CHD1L: variants seen among roughly 807,000 people sequenced by gnomAD.
CHD1L encodes the protein ATP-dependent chromatin remodeler CHD1L.
Under a neutral mutation model 115.9 loss-of-function variants are expected in CHD1L, and 118 were observed. That is an observed-to-expected ratio of 1.02 (90% CI 0.88 to 1.19). The LOEUF (loss-of-function observed/expected upper bound fraction) is 1.19, where lower values mean the gene tolerates loss of function less well. Ranked by LOEUF, CHD1L falls within the 50% of genes most tolerant of loss-of-function variation. The pLI is 0.00. For synonymous variants in CHD1L, 411 were observed against 387.1 expected, an observed-to-expected ratio of 1.06 and a Z score of -0.72; for missense variants, 1,179 against 1,065.3, an observed-to-expected ratio of 1.11 and a Z score of -1.49.
Position 147,252,742 on chromosome 1 carries a change from T to C in CHD1L, c.240+7T>C, listed in dbSNP as rs782230422. 2 of 1,604,566 alleles carry C rather than the reference T, an allele frequency of 1.2e-6. No homozygotes were observed. Among genetic ancestry groups the C allele is most frequent in the Non-Finnish European group, 1.7e-6 (2 of 1,171,644 alleles). On this transcript the variant is annotated splice_region_variant and intron_variant, in intron 2 of 22. Transcript: ENST00000369258. ...CCTGGGGAAGACCTGCCAGGTGTGT[T>C]ACTATGCGACGAGTACTGCTCACCG...
At chr1:147,240,302 T>C (rs1553930437), upstream of CHD1L, among the ~76,000 whole-genome samples, 1 of 152,240 alleles carries the variant, frequency 6.6e-6, no homozygotes, top group African/African-American at 2.4e-5. Flanking sequence ...CTGTGCAGGA[T>C]GTGCTTTGTT....
At chr1:147,219,668 G>A in the CHD1L span, among the ~76,000 whole-genome samples, 2 of 151,624 alleles carry the variant, frequency 1.3e-5, no homozygotes, top group African/African-American at 2.4e-5. Flanking sequence ...AAGGATATTC[G>A]GATTGGGAAG....
chr1:147,230,888 TTCTTC>T, the CHD1L span, among the ~76,000 whole-genome samples: 1 of 151,998 alleles, frequency 6.6e-6, no homozygotes, highest in South Asian at 2.1e-4. Context: ...ATCTATTTGA[TTCTTC>T]TCTTTTCTTC....
the CHD1L span, chr1:147,184,606 G>A: frequency 1.3e-6 from 2 of 1,547,588 alleles, no homozygotes; most frequent in Non-Finnish European, 1.7e-6. This position sits in a 1 kb window ranked among gnomAD's most constrained non-coding sequence, Gnocchi z 4.4. Context: ...ACTTGGGTTT[G>A]TCTGATGTTT....
At position 147,267,407 on chromosome 1, in the gene CHD1L, CTT is replaced by C. The variant is rs781981891; in HGVS notation, c.896-11_896-10del. The C allele has an allele frequency of 1.2e-5, 18 of 1,560,516 alleles. No homozygotes were observed. Among genetic ancestry groups the C allele is most frequent in the South Asian group, 2.3e-5 (2 of 88,466 alleles). ...GTAGGCCATCTCTTTCTGTCTCTCT[CTT>C]TTTTTTTAAATTTCAGATGCATTTG... is the stretch of plus-strand genomic sequence containing the variant. On this transcript the variant is annotated splice_polypyrimidine_tract_variant and intron_variant, in intron 8 of 22. Coordinates refer to ENST00000369258, the MANE Select transcript of CHD1L (RefSeq NM_004284.6).
At chr1:147,295,354 A>G (rs1210950259) in intron 22 of CHD1L, 77 bp from the exon 23 acceptor site, 36 of 921,244 alleles carry the variant, frequency 3.9e-5, no homozygotes, top group Non-Finnish European at 6.2e-5. Flanking sequence ...TTATTTCAAT[A>G]ATTACTAGAG....
the CHD1L span, chr1:147,225,979 T>C: frequency 6.6e-6 from 1 of 152,240 alleles, no homozygotes; most frequent in Non-Finnish European, 1.5e-5. Context: ...ACAATGCTTT[T>C]TTCATACAGT....
the CHD1L span, chr1:147,173,670 CCTT>C: frequency 6.6e-6 from 1 of 152,150 alleles, no homozygotes; most frequent in African/African-American, 2.4e-5. Flanking sequence ...TTGCATGTCT[CCTT>C]CTAGAAACGT....
chr1:147,276,771 A>G (rs1379872357), intron 14 of CHD1L, among the ~76,000 whole-genome samples: 3 of 152,182 alleles, frequency 2.0e-5, no homozygotes, highest in African/African-American at 7.2e-5. Context: ...GGATTGGAAG[A>G]TTTTAGAGCT....
intron 11 of CHD1L, 32 bp downstream of exon 11, chr1:147,271,037 G>C: frequency 6.4e-7 from 1 of 1,557,352 alleles, no homozygotes; most frequent in Non-Finnish European, 8.9e-7. Context: ...ATTACCTAAG[G>C]CTCTGTTAGA....
At chr1:147,195,805 C>G in the CHD1L span, among the ~76,000 whole-genome samples, 1 of 152,120 alleles carries the variant, frequency 6.6e-6, no homozygotes, top group Non-Finnish European at 1.5e-5. Flanking sequence ...TTACCTGATA[C>G]AAGCATTCTT....
the CHD1L span, chr1:147,190,384 C>T: frequency 6.9e-6 from 4 of 578,458 alleles, no homozygotes; most frequent in South Asian, 2.3e-5. Context: ...TTACAATTCA[C>T]TTGATCACCT....
At chr1:147,240,610 G>A (rs1553930531), upstream of CHD1L, among the ~76,000 whole-genome samples, 1 of 152,098 alleles carries the variant, frequency 6.6e-6, no homozygotes, top group African/African-American at 2.4e-5. Flanking sequence ...TCATCCCTGG[G>A]CAATGGAATG....
chr1:147,192,127 T>G, the CHD1L span, among the ~76,000 whole-genome samples: 1 of 152,188 alleles, frequency 6.6e-6, no homozygotes, highest in Non-Finnish European at 1.5e-5. Flanking sequence ...ACGATATTGA[T>G]TCTTCCTACC....
intron 19 of CHD1L, 52 bp downstream of exon 19, chr1:147,287,785 A>G: frequency 1.4e-6 from 2 of 1,446,940 alleles, no homozygotes; most frequent in South Asian, 2.3e-5. Context: ...AGAGAAGAGG[A>G]CACCTAAGAC....
intron 14 of CHD1L, 93 bp downstream of exon 14, chr1:147,276,350 C>T: frequency 7.5e-7 from 1 of 1,331,634 alleles, no homozygotes; most frequent in South Asian, 1.4e-5. Flanking sequence ...TCACCCTCTC[C>T]CCAGCTACAC....
At chr1:147,271,256 C>T in intron 11 of CHD1L, 1 of 360,188 alleles carries the variant, frequency 2.8e-6, no homozygotes, top group Non-Finnish European at 5.1e-6. Flanking sequence ...AATTATGGGC[C>T]GTGGAGCAAA....
chr1:147,249,543 C>T (rs1571614595), intron 1 of CHD1L, among the ~76,000 whole-genome samples: 1 of 151,304 alleles, frequency 6.6e-6, no homozygotes, highest in Non-Finnish European at 1.5e-5. Context: ...GTAGCTGGGA[C>T]TACAGGCACC....
chr1:147,281,067 C>T (rs781915574), intron 15 of CHD1L, among the ~76,000 whole-genome samples: 5 of 152,156 alleles, frequency 3.3e-5, no homozygotes, highest in Admixed American at 1.3e-4. Context: ...TTCCATCGCT[C>T]GCTTTCTCTC....
Sources: allele counts gnomAD v4.1 joint callset (sites outside exome capture counted in the v4.1 genomes callset), GRCh38; gene constraint gnomAD v4.1.1; non-coding constraint Gnocchi (gnomAD v3.1); transcripts MANE v1.5; gene names NCBI Gene and HGNC (gene_info 2026-07-23, HGNC 2026-07-21).